GRIK5: variants seen among roughly 807,000 people sequenced by gnomAD.
GRIK5 encodes the protein glutamate receptor ionotropic, kainate 5.
In GRIK5, 43 loss-of-function variants were observed where a neutral mutation model predicts 97.4. The observed-to-expected ratio is 0.44, with a 90% CI of 0.35 to 0.57. The LOEUF is 0.57. GRIK5 is among the 20% of genes least tolerant of loss of function. The pLI, the probability that GRIK5 is intolerant of heterozygous loss-of-function variation, is 0.01. For missense variants in GRIK5, 1,015 were observed against 1,382.0 expected, an observed-to-expected ratio of 0.73 and a Z score of 4.21; for synonymous variants, 580 against 583.5, an observed-to-expected ratio of 0.99 and a Z score of 0.09.
At position 42,005,936 on chromosome 19, in the gene GRIK5, G is replaced by C; in HGVS notation, c.2050C>G (p.Gln684Glu). The stretch of plus-strand genomic sequence containing the variant: ...TAGTTCCACATGCGCTGGTACGTTT[G>C]GTACCGTGAATTCTGGGCAGGAGGA... ...TMTFFQNSRY[Q>E]TYQRMWNYMQ... Residue 684 changes from glutamine to glutamate, a missense_variant, in exon 17 of 20, where the codon CAA becomes GAA. Around this residue, in one of 5 missense-constraint regions of GRIK5, gnomAD observed 229 missense variants for 341.0 expected, o/e 0.67. Coordinates refer to ENST00000593562, the MANE Select transcript of GRIK5 (RefSeq NM_002088.5). 2.6e-6 allele frequency: 4 copies of C among 1,558,990 alleles called. No individual in the cohort carries two copies. Among genetic ancestry groups the C allele is most frequent in the Non-Finnish European group, 3.5e-6 (4 of 1,136,332 alleles).
chr19:42,063,821 T>G (rs2076291677), intron 3 of GRIK5, among the ~76,000 whole-genome samples: 1 of 152,230 alleles, frequency 6.6e-6, no homozygotes, highest in Non-Finnish European at 1.5e-5. Context: ...TGCCTGAAAT[T>G]TGTCCTTAGG....
rs2075494575 is a variant in GRIK5, at chr19:42,006,654, G to A, written c.2028C>T (p.Thr676=). The part of the protein sequence containing the change: ...YGTIHAGSTM[T]FFQNSRYQTY... Reference sequence around the variant, plus strand: ...GTTCTGGTGGCCCCACCTGGAAGAAGGTCATGGTGGAGCCGGCGTGGATGG... The same window carrying A: ...GTTCTGGTGGCCCCACCTGGAAGAAAGTCATGGTGGAGCCGGCGTGGATGG... Residue 676 remains threonine (T), a synonymous_variant, in exon 16 of 20, where the codon ACC becomes ACT. Transcript: ENST00000593562. This position sits in a 1 kb window ranked among gnomAD's most constrained non-coding sequence, Gnocchi z 5.3. 9 of 1,613,780 alleles carry A rather than the reference G, an allele frequency of 5.6e-6. No homozygotes were observed. Among genetic ancestry groups the A allele is most frequent in the Non-Finnish European group, 7.6e-6 (9 of 1,179,858 alleles).
chr19:42,008,443 A>G (rs1188236360), intron 15 of GRIK5, among the ~76,000 whole-genome samples: 1 of 152,170 alleles, frequency 6.6e-6, no homozygotes, highest in Non-Finnish European at 1.5e-5. Flanking sequence ...CCTGGCCAAC[A>G]TGGCAATACC....
At chr19:42,047,498 A>G (rs2076057080) in intron 11 of GRIK5, among the ~76,000 whole-genome samples, 1 of 152,182 alleles carries the variant, frequency 6.6e-6, no homozygotes, top group Non-Finnish European at 1.5e-5. Context: ...ATTTAAAGCT[A>G]TGGTATTTAA....
intron 12 of GRIK5, among the ~76,000 whole-genome samples, chr19:42,038,092 G>A (rs1397965669): frequency 2.0e-5 from 3 of 152,212 alleles, no homozygotes; most frequent in African/African-American, 7.2e-5. Flanking sequence ...AGGGGCTTCA[G>A]TTAAAGCATA....
rs2075713983 is a variant in GRIK5 at position 42,022,566 on chromosome 19, C to T, written c.1474-212G>A. ...TCGCATGTCCATCCTCATCATCTCA[C>T]GTCTCCAGACACACTGACTCCGTCC... On this transcript the variant is annotated intron_variant, in intron 12 of 19. Transcript: ENST00000593562. This position sits in a 1 kb window ranked among gnomAD's most constrained non-coding sequence, Gnocchi z 4.2. The T allele has an allele frequency of 8.1e-6, 8 of 985,074 alleles. No individual in the cohort carries two copies. The highest frequency in any genetic ancestry group is 3.5e-5 in the African/African-American group (2 of 57,160). The allele number at this position is 985,074 out of a possible 1,614,324, so 61.0% of individuals were successfully genotyped here.
rs565939607 is a variant in GRIK5, at chr19:42,069,448, C to T, written c.-258G>A. ...GAAGGACAGGTGGAAGAGGAGAGGGCGGGCCGGGGAGGGGAGGAAGGGGAA... is the reference window on the plus strand; with the variant it reads ...GAAGGACAGGTGGAAGAGGAGAGGGTGGGCCGGGGAGGGGAGGAAGGGGAA... On this transcript the variant is annotated 5_prime_UTR_variant, in exon 1 of 20. Coordinates refer to ENST00000593562, the MANE Select transcript of GRIK5 (RefSeq NM_002088.5). 151 of 53,994 alleles carry T rather than the reference C, an allele frequency of 2.8e-3. No individual in the cohort carries two copies. In the South Asian group the frequency reaches 0.061, roughly 22 times the overall value. The allele number at this position is 53,994 out of a possible 1,614,324, so 3.3% of individuals were successfully genotyped here.
rs144434784 is a variant in GRIK5 at position 42,052,753 on chromosome 19, C to T, written c.1269+849G>A. On this transcript the variant is annotated intron_variant, in intron 11 of 19. Transcript: ENST00000593562. ...CAGCCGCTTGGGGAAGCCTCCTGCT[C>T]GCCAGGCCCTGTGGATCACCCCCTC... 9.9e-3 allele frequency among the ~76,000 whole-genome samples: 1,510 copies of T among 152,320 alleles called. 25 individuals are homozygous for T. The highest frequency in any genetic ancestry group is 0.027 in the Middle Eastern group (8 of 294).
At chr19:42,067,806 A>T (rs1432316731) in intron 1 of GRIK5, among the ~76,000 whole-genome samples, 4 of 152,194 alleles carry the variant, frequency 2.6e-5, no homozygotes, top group Admixed American at 2.0e-4. Flanking sequence ...ACAGCCTAGA[A>T]GTGAGACAGC....
chr19:42,033,059 C>T (rs1486615161), intron 12 of GRIK5, among the ~76,000 whole-genome samples: 2 of 152,218 alleles, frequency 1.3e-5, no homozygotes, highest in Non-Finnish European at 2.9e-5. Context: ...GTGGCTCACG[C>T]CTGTAATCCC....
rs1382122109 is a variant in GRIK5, at chr19:42,007,063, C to A, written c.1872-253G>T. On this transcript the variant is annotated intron_variant, in intron 15 of 19. Transcript: ENST00000593562. ...GGAAATACCCTCCCACCATAAACAG[C>A]TAAAGAGCTGGATAGAATACAGGAA... Among the ~76,000 whole-genome samples the A allele has an allele frequency of 4.6e-5, 7 of 151,876 alleles. 1 individual carries two copies. Among genetic ancestry groups the A allele is most frequent in the Admixed American group, 4.6e-4 (7 of 15,280 alleles).
At chr19:42,055,194 T>C (rs1303677091) in intron 8 of GRIK5, among the ~76,000 whole-genome samples, 3 of 152,200 alleles carry the variant, frequency 2.0e-5, no homozygotes, top group Non-Finnish European at 4.4e-5. Flanking sequence ...AACCACGGTG[T>C]CTGTGTGTGC....
chr19:42,005,207 C>A (rs1287801311), intron 17 of GRIK5, among the ~76,000 whole-genome samples: 1 of 110,988 alleles, frequency 9.0e-6, no homozygotes, highest in African/African-American at 3.6e-5. Context: ...TTTGGGAGGC[C>A]AAGGCGGGCG....
Position 42,022,014 on chromosome 19 carries a change from G to A in GRIK5, c.1630C>T (p.Pro544Ser). 2 of 1,614,032 alleles carry A rather than the reference G, an allele frequency of 1.2e-6. No individual in the cohort carries two copies. Among genetic ancestry groups the A allele is most frequent in the East Asian group, 4.5e-5 (2 of 44,880 alleles). The change falls in exon 14 of 20, where the codon CCT becomes TCT. Residue 544 changes from proline to serine, a missense_variant. This residue lies in a region of GRIK5 where 477 missense variants were observed against 701.1 expected (regional missense o/e 0.68). Coordinates refer to ENST00000593562, the MANE Select transcript of GRIK5 (RefSeq NM_002088.5). The surrounding 1 kb of genome is among the most constrained non-coding windows in gnomAD (Gnocchi z 4.2). Reference protein sequence around the residue: ...GYFSFLDPFSPAVWLFMLLAY... With the variant: ...GYFSFLDPFSSAVWLFMLLAY... ...AGAAGCATGAAGAGCCACACAGCAG[G>A]GGAGAAGGGGTCCAGGAAGGAGAAG... is the stretch of plus-strand genomic sequence containing the variant.
chr19:42,027,758 G>A (rs2075790072), intron 12 of GRIK5, among the ~76,000 whole-genome samples: 1 of 152,230 alleles, frequency 6.6e-6, no homozygotes, highest in Admixed American at 6.5e-5. Context: ...GTTCTTCCTA[G>A]GCTCCTCCCA....
intron 12 of GRIK5, among the ~76,000 whole-genome samples, chr19:42,040,838 T>C (rs964715871): frequency 2.6e-5 from 4 of 151,846 alleles, no homozygotes; most frequent in African/African-American, 9.7e-5. Context: ...GCCATTGCAC[T>C]CCAGCCTGGG....
Position 41,998,994 on chromosome 19 carries a change from C to A in GRIK5, c.2820G>T (p.Gln940His). The change falls in exon 20 of 20, where the codon CAG becomes CAT. Residue 940 changes from glutamine (Q) to histidine (H), a missense_variant. Physicochemically the swap from Gln to His is conservative, Grantham distance 24. Around this residue, in one of 5 missense-constraint regions of GRIK5, gnomAD observed 109 missense variants for 100.4 expected, o/e 1.09. Coordinates refer to ENST00000593562, the MANE Select transcript of GRIK5 (RefSeq NM_002088.5). ...VRVCQECRRIQALRASGAGAP... is the reference protein window; with the variant it reads ...VRVCQECRRIHALRASGAGAP... ...CGCCGGCCCCCGAGGCCCGCAGCGCCTGGATGCGCCGGCACTCCTGGCAGA... is the reference window on the plus strand; with the variant it reads ...CGCCGGCCCCCGAGGCCCGCAGCGCATGGATGCGCCGGCACTCCTGGCAGA... 1.7e-6 allele frequency: 2 copies of A among 1,205,936 alleles called. No individual in the cohort carries two copies. The highest frequency in any genetic ancestry group is 1.0e-6 in the Non-Finnish European group (1 of 966,060). The allele number at this position is 1,205,936 out of a possible 1,614,324, so 74.7% of individuals were successfully genotyped here.
rs544012594 is a variant in GRIK5, at chr19:42,022,477, G to T, written c.1474-123C>A. 7.4e-6 allele frequency: 11 copies of T among 1,480,152 alleles called. No individual in the cohort carries two copies. Among genetic ancestry groups the T allele is most frequent in the African/African-American group, 1.4e-5 (1 of 71,764 alleles). 91.7% of individuals were successfully genotyped at this position (1,480,152 alleles called of 1,614,324 possible). A position where few individuals can be genotyped will look rare whatever the true frequency, so the allele number is the denominator to read the frequency against. On this transcript the variant is annotated intron_variant, in intron 12 of 19. Transcript: ENST00000593562. This position sits in a 1 kb window ranked among gnomAD's most constrained non-coding sequence, Gnocchi z 4.2. The stretch of plus-strand genomic sequence containing the variant: ...AGGCGAGAGAGAGAGAGGTAGGGAG[G>T]GGGAGGGGCCAGGAGCATGGACTGA...
At chr19:42,027,295 G>C (rs1016690557) in intron 12 of GRIK5, among the ~76,000 whole-genome samples, 2 of 152,196 alleles carry the variant, frequency 1.3e-5, no homozygotes, top group Non-Finnish European at 2.9e-5. Context: ...GTTGCAAGGG[G>C]GGTCTTATTT....
Sources: allele counts gnomAD v4.1 joint callset (sites outside exome capture counted in the v4.1 genomes callset), GRCh38; gene constraint gnomAD v4.1.1; regional missense constraint gnomAD v4.1.1; non-coding constraint Gnocchi (gnomAD v3.1); transcripts MANE v1.5; gene names NCBI Gene and HGNC (gene_info 2026-07-23, HGNC 2026-07-21).